The following INTS10 variants were observed in gnomAD, a reference collection of about 807,000 sequenced individuals.
INTS10 encodes the protein chromosome 8 open reading frame 35.
INTS10 carries 44 observed loss-of-function variants against 94.4 expected under a neutral mutation model. That is an observed-to-expected ratio of 0.47 (90% CI 0.37 to 0.60). The LOEUF is 0.60. Among genes scored for constraint, INTS10 ranks in the 20% least tolerant of loss-of-function variants. The pLI is 0.00. For synonymous variants in INTS10, 341 were observed against 320.7 expected, an observed-to-expected ratio of 1.06 and a Z score of -0.68; for missense variants, 797 against 868.7, an observed-to-expected ratio of 0.92 and a Z score of 1.04.
At chr8:19,835,331 G>C (rs1182424951) in intron 12 of INTS10, among the ~76,000 whole-genome samples, 1 of 152,048 alleles carries the variant, frequency 6.6e-6, no homozygotes, top group African/African-American at 2.4e-5. Flanking sequence ...GGTTTTCTTG[G>C]TGCTCAGTGT....
chr8:19,841,790 G>A (rs779798016), intron 13 of INTS10: 5 of 455,826 alleles, frequency 1.1e-5, no homozygotes, highest in South Asian at 7.8e-5. Flanking sequence ...GTATACCTTA[G>A]ATGAGTGTTT....
intron 12 of INTS10, among the ~76,000 whole-genome samples, chr8:19,834,746 C>G (rs1269027072): frequency 6.6e-6 from 1 of 152,032 alleles, no homozygotes; most frequent in Non-Finnish European, 1.5e-5. Context: ...CCTTAGTTCT[C>G]TGGCTGTCTT....
chr8:19,825,223 C>G (rs577276398), intron 8 of INTS10, among the ~76,000 whole-genome samples: 6 of 152,246 alleles, frequency 3.9e-5, no homozygotes, highest in African/African-American at 9.6e-5. Context: ...TATCAAATGC[C>G]ACTATTTTGA....
intron 2 of INTS10, 51 bp from the exon 3 acceptor site, chr8:19,819,522 A>T (rs1167063494): frequency 7.2e-7 from 1 of 1,385,774 alleles, no homozygotes; most frequent in African/African-American, 1.5e-5. Context: ...TTTCTTTTGG[A>T]TACTGTATAG....
At chr8:19,841,891 G>A (rs965525261) in intron 13 of INTS10, 8 of 453,320 alleles carry the variant, frequency 1.8e-5, no homozygotes, top group African/African-American at 4.0e-5. Context: ...ATTTTAAGAC[G>A]ACATCTCAGA....
chr8:19,821,727 T>A (rs905878090), intron 4 of INTS10: 4 of 152,100 alleles, frequency 2.6e-5, no homozygotes, highest in Non-Finnish European at 5.9e-5. Context: ...GTCTATGAGG[T>A]CACATTCTGA....
chr8:19,840,014 G>T (rs1467486369), intron 13 of INTS10, among the ~76,000 whole-genome samples: 1 of 120,904 alleles, frequency 8.3e-6, no homozygotes, highest in Admixed American at 1.1e-4. Flanking sequence ...ATTGAGCCAA[G>T]ATTGCACCAC....
rs752537459 is a variant in INTS10 at position 19,826,576 on chromosome 8, T to C, written c.1140+17T>C. 28 of 1,606,520 alleles carry C rather than the reference T, an allele frequency of 1.7e-5. No individual in the cohort carries two copies. The highest frequency in any genetic ancestry group is 2.1e-5 in the Non-Finnish European group (25 of 1,177,188). The stretch of plus-strand genomic sequence containing the variant: ...AAAACCATGGTAAGGCTTTCAAATA[T>C]ACTTATTAACAGATTGGATGGGACG... On this transcript the variant is annotated intron_variant, in intron 9 of 16. Coordinates refer to ENST00000397977, the MANE Select transcript of INTS10 (RefSeq NM_018142.4).
At chr8:19,822,580 T>G (rs1286280584) in intron 5 of INTS10, 60 bp downstream of exon 5, 5 of 1,050,600 alleles carry the variant, frequency 4.8e-6, no homozygotes, top group Non-Finnish European at 7.3e-6. Flanking sequence ...GGGTAAGTGT[T>G]GGTTCAGGGA....
At chr8:19,841,839 C>G (rs1423036737) in intron 13 of INTS10, 1 of 455,858 alleles carries the variant, frequency 2.2e-6, no homozygotes, top group East Asian at 7.0e-5. Flanking sequence ...TCATGAGTTT[C>G]AACCAGAAAT....
Position 19,830,430 on chromosome 8 carries a change from G to C in INTS10, c.1165G>C (p.Ala389Pro), listed in dbSNP as rs1193448539. The C allele has an allele frequency of 6.2e-7, 1 of 1,613,692 alleles. No homozygotes were observed. Among genetic ancestry groups the C allele is most frequent in the Non-Finnish European group, 8.5e-7 (1 of 1,179,864 alleles). Reference sequence around the variant, plus strand: ...GAGTTCAGACGATGAAGACTGTTCGGCGAAAGGAAGAAATCGTCACATTGT... The same window carrying C: ...GAGTTCAGACGATGAAGACTGTTCGCCGAAAGGAAGAAATCGTCACATTGT... ...TMSSDDEDCS[A>P]KGRNRHIVVN... The change falls in exon 10 of 17, where the codon GCG becomes CCG. Residue 389 changes from alanine (A) to proline (P), a missense_variant. Physicochemically the swap from Ala to Pro is conservative, Grantham distance 27. Around this residue, in one of 3 missense-constraint regions of INTS10, gnomAD observed 734 missense variants for 787.8 expected, o/e 0.93. Coordinates refer to ENST00000397977, the MANE Select transcript of INTS10 (RefSeq NM_018142.4).
At chr8:19,823,149 C>T (rs1055373576) in intron 5 of INTS10, 152 bp from the exon 6 acceptor site, 6 of 604,128 alleles carry the variant, frequency 9.9e-6, no homozygotes, top group Admixed American at 5.9e-5. Flanking sequence ...TGTCTCTCTG[C>T]ACAGCACATT....
chr8:19,842,020 A>G (rs2068172946), intron 13 of INTS10: 1 of 247,232 alleles, frequency 4.0e-6, no homozygotes, highest in Non-Finnish European at 8.1e-6. Flanking sequence ...GCCTCTGAGT[A>G]GAGAAAGATA....
chr8:19,819,686 A>G lies in INTS10; in HGVS notation c.301+10A>G. ...ACCCAATTTTTAAGAAGTAAGAATA[A>G]TGGTGTATAAGTTACCATTTCGGGA... On this transcript the variant is annotated intron_variant, in intron 3 of 16. Coordinates refer to ENST00000397977, the MANE Select transcript of INTS10 (RefSeq NM_018142.4). The G allele has an allele frequency of 1.3e-6, 2 of 1,583,854 alleles. No homozygotes were observed. The highest frequency in any genetic ancestry group is 1.7e-6 in the Non-Finnish European group (2 of 1,153,036).
intron 8 of INTS10, among the ~76,000 whole-genome samples, chr8:19,826,043 T>G (rs2066762864): frequency 6.6e-6 from 1 of 152,156 alleles, no homozygotes; most frequent in South Asian, 2.1e-4. Flanking sequence ...GCTTCTCCCT[T>G]ATTTTAAGAA....
rs1455262070 is a variant in INTS10, at chr8:19,851,753, T to C, written c.2081T>C (p.Leu694Pro). ...TGTGGAGAGAATCTGATGGTGGTTCTGCACAGGTTCTGCATTAATGAGAAG... is the reference window on the plus strand; with the variant it reads ...TGTGGAGAGAATCTGATGGTGGTTCCGCACAGGTTCTGCATTAATGAGAAG... ...SRCGENLMVV[L>P]HRFCINEKIL... Residue 694 changes from leucine to proline, a missense_variant, in exon 17 of 17, where the codon CTG becomes CCG. Leu to Pro is a moderately conservative substitution (Grantham distance 98). Coordinates refer to ENST00000397977, the MANE Select transcript of INTS10 (RefSeq NM_018142.4). The surrounding 1 kb of genome is among the most constrained non-coding windows in gnomAD (Gnocchi z 5.0). 2 of 1,614,154 alleles carry C rather than the reference T, an allele frequency of 1.2e-6. No individual in the cohort carries two copies. Among genetic ancestry groups the C allele is most frequent in the Non-Finnish European group, 1.7e-6 (2 of 1,179,982 alleles).
At chr8:19,825,081 A>G (rs7018076) in intron 8 of INTS10, 109 bp downstream of exon 8, 685,468 of 899,800 alleles carry the variant, frequency 0.76, 262,148 homozygotes, top group Non-Finnish European at 0.79. Context: ...ACTGTGGGGC[A>G]GTACCAGTCC....
At position 19,820,361 on chromosome 8, in the gene INTS10, G is replaced by A; in HGVS notation, c.302-18G>A. On this transcript the variant is annotated intron_variant, in intron 3 of 16. Transcript: ENST00000397977. ...CTGTCCGCAAGAAACTTTTAAAAGT[G>A]AAATATGTTTCGTACAGGTTTATTT... is the stretch of plus-strand genomic sequence containing the variant. 1.3e-6 allele frequency: 2 copies of A among 1,594,562 alleles called. No homozygotes were observed. Among genetic ancestry groups the A allele is most frequent in the Non-Finnish European group, 1.7e-6 (2 of 1,168,558 alleles).
Position 19,823,907 on chromosome 8 carries a change from C to T in INTS10, c.699C>T (p.Ser233=). Residue 233 remains serine (S), a synonymous_variant, in exon 7 of 17, where the codon AGC becomes AGT. Coordinates refer to ENST00000397977, the MANE Select transcript of INTS10 (RefSeq NM_018142.4). ...AQDTSDLMSP[S]KRSSQKYIIE... ...ATACATCTGATTTAATGTCACCTAG[C>T]AAACGTAGCTCTCAGAAGTACATAA... 1.9e-6 allele frequency: 3 copies of T among 1,611,288 alleles called. No homozygotes were observed. Among genetic ancestry groups the T allele is most frequent in the Non-Finnish European group, 2.5e-6 (3 of 1,179,144 alleles).
Sources: gnomAD v4.1 joint callset for allele counts (sites outside exome capture counted in the v4.1 genomes callset) on GRCh38, gnomAD v4.1.1 for gene constraint, gnomAD v4.1.1 regional missense constraint, Gnocchi (gnomAD v3.1) non-coding constraint, MANE v1.5 for transcripts, NCBI Gene and HGNC (gene_info 2026-07-23, HGNC 2026-07-21) for gene names.